CREB5: variants seen among roughly 807,000 people sequenced by gnomAD.
The protein encoded by CREB5 is cAMP responsive element binding protein 5.
CREB5 carries 19 observed loss-of-function variants against 57.1 expected under a neutral mutation model. The observed-to-expected ratio is 0.33, with a 90% CI of 0.23 to 0.49. The LOEUF is 0.49. Among genes scored for constraint, CREB5 ranks in the 20% least tolerant of loss-of-function variants. The pLI, the probability that CREB5 is intolerant of heterozygous loss-of-function variation, is 0.99. For missense variants in CREB5, 579 were observed against 671.6 expected (o/e 0.86, Z 1.52); for synonymous variants, 238 against 238.3 (o/e 1.00, Z 0.01).
intron 1 of CREB5, among the ~76,000 whole-genome samples, chr7:28,435,091 C>CTTTT (rs397702746): frequency 3.0e-5 from 4 of 132,760 alleles, no homozygotes; most frequent in Non-Finnish European, 3.2e-5. Context: ...GGCCACCTGG[C>CTTTT]TTTTTTTTTT....
At chr7:28,569,156 C>CTT (rs754353559) in intron 4 of CREB5, among the ~76,000 whole-genome samples, 2 of 146,352 alleles carry the variant, frequency 1.4e-5, no homozygotes, top group African/African-American at 5.0e-5. Flanking sequence ...CTTTTCTTTT[C>CTT]TTTTTTTTTT....
At chr7:28,517,456 C>T (rs1002165483) in intron 4 of CREB5, among the ~76,000 whole-genome samples, 5 of 152,192 alleles carry the variant, frequency 3.3e-5, no homozygotes, top group Admixed American at 6.5e-5. Flanking sequence ...ACCTGTGGTA[C>T]GATGACTGAT....
chr7:28,328,010 C>T (rs1303866559), intron 1 of CREB5, among the ~76,000 whole-genome samples: 1 of 152,214 alleles, frequency 6.6e-6, no homozygotes, highest in Non-Finnish European at 1.5e-5. Flanking sequence ...AAATAAAAAT[C>T]TTCTGGTGTA....
At chr7:28,558,918 A>T (rs188981548) in intron 4 of CREB5, among the ~76,000 whole-genome samples, 8 of 152,278 alleles carry the variant, frequency 5.3e-5, no homozygotes, top group Non-Finnish European at 8.8e-5. Flanking sequence ...ACATTTGTTT[A>T]GTAATTCTAG....
intron 1 of CREB5, among the ~76,000 whole-genome samples, chr7:28,474,403 A>T (rs1345974263): frequency 6.6e-6 from 1 of 152,136 alleles, no homozygotes; most frequent in Non-Finnish European, 1.5e-5. Flanking sequence ...TGTGTTTTGT[A>T]GGCAGTGAAG....
chr7:28,570,446 C>T lies in CREB5; in HGVS notation c.373C>T (p.His125Tyr). The T allele has an allele frequency of 6.2e-6, 10 of 1,614,196 alleles. No individual in the cohort carries two copies. The highest frequency in any genetic ancestry group is 8.5e-6 in the Non-Finnish European group (10 of 1,180,036). ...GCTTAGCAGCGCTCGGCTGCCCAACCATGACACCAACGTTGTGATTCAGCA... is the reference window on the plus strand; with the variant it reads ...GCTTAGCAGCGCTCGGCTGCCCAACTATGACACCAACGTTGTGATTCAGCA... ...HQLSSARLPN[H>Y]DTNVVIQQAM... The change falls in exon 5 of 11, where the codon CAT becomes TAT. Residue 125 changes from histidine to tyrosine, a missense_variant. His to Tyr is a moderately conservative substitution (Grantham distance 83). Transcript: ENST00000357727.
At chr7:28,409,930 G>T, upstream of CREB5, 1 of 453,920 alleles carries the variant, frequency 2.2e-6, no homozygotes, top group South Asian at 1.6e-5. This position sits in a 1 kb window ranked among gnomAD's most constrained non-coding sequence, Gnocchi z 4.4. Context: ...CCAGAAGTGC[G>T]GTCAAGCGGC....
chr7:28,499,120 G>A (rs949851592), intron 3 of CREB5, among the ~76,000 whole-genome samples: 1 of 139,810 alleles, frequency 7.2e-6, no homozygotes, highest in African/African-American at 2.7e-5. Context: ...TCCAAATCTT[G>A]TCTTGTTAAA....
intron 7 of CREB5, among the ~76,000 whole-genome samples, chr7:28,769,389 A>G (rs1477914581): frequency 6.6e-6 from 1 of 152,250 alleles, no homozygotes; most frequent in Admixed American, 6.5e-5. Context: ...GATGAGAGAT[A>G]TGCTAATTAT....
In CREB5 at chr7:28,400,383, G is replaced by T. The variant is rs116450795; in HGVS notation, c.-24-94523G>T. The stretch of plus-strand genomic sequence containing the variant: ...ATATAACAGGCTTGACCCAGAGTGG[G>T]TGCTCACAAATAATAGTGTTCTTTC... On this transcript the variant is annotated intron_variant, in intron 1 of 9. Transcript: ENST00000396299. 4.5e-3 allele frequency among the ~76,000 whole-genome samples: 686 copies of T among 152,310 alleles called. 7 individuals carry two copies. The highest frequency in any genetic ancestry group is 0.016 in the African/African-American group (667 of 41,558).
rs184317460 is a variant in CREB5 at position 28,535,103 on chromosome 7, A to G, written c.291+27366A>G. 1.6e-4 allele frequency among the ~76,000 whole-genome samples: 23 copies of G among 140,612 alleles called. 1 individual carries two copies. The highest frequency in any genetic ancestry group is 6.0e-4 in the African/African-American group (23 of 38,296). 92.2% of individuals were successfully genotyped at this position (140,612 alleles called of 152,430 possible). A position where few individuals can be genotyped will look rare whatever the true frequency, so the allele number is the denominator to read the frequency against. ...GATATTGTGGCCCCTTTGCTGTCCC[A>G]TGGTCACCCCATCTACACCGGCTCT... On this transcript the variant is annotated intron_variant, in intron 4 of 10. Coordinates refer to ENST00000357727, the MANE Select transcript of CREB5 (RefSeq NM_182898.4).
At chr7:28,516,998 C>T (rs1792989733) in intron 4 of CREB5, among the ~76,000 whole-genome samples, 1 of 152,134 alleles carries the variant, frequency 6.6e-6, no homozygotes, top group South Asian at 2.1e-4. Context: ...CTCCGCGAGG[C>T]CCTGCATTAA....
In CREB5 at chr7:28,684,574, G is replaced by A. The variant is rs527413968; in HGVS notation, c.465-34179G>A. Among the ~76,000 whole-genome samples the A allele has an allele frequency of 6.6e-4, 101 of 152,282 alleles. No homozygotes were observed. The Middle Eastern group carries it at 0.02, about 31-fold the overall frequency. ...ATATCCCTGACCTCCATCAGTGGAC[G>A]TCTTTAATAAGCTGAGAGATTTCTC... On this transcript the variant is annotated intron_variant, in intron 5 of 10. Transcript: ENST00000357727.
chr7:28,399,912 G>C (rs920491388), intron 1 of CREB5, among the ~76,000 whole-genome samples: 2 of 152,130 alleles, frequency 1.3e-5, no homozygotes, highest in African/African-American at 4.8e-5. Context: ...ACAAAAATTA[G>C]CTGGGCGTGG....
At chr7:28,592,702 C>T (rs1389025573) in intron 5 of CREB5, among the ~76,000 whole-genome samples, 1 of 152,106 alleles carries the variant, frequency 6.6e-6, no homozygotes, top group African/African-American at 2.4e-5. Flanking sequence ...GTGCCGTGGC[C>T]TGTTCTTCCC....
chr7:28,507,240 C>A (rs1181021436), intron 3 of CREB5, among the ~76,000 whole-genome samples: 1 of 151,600 alleles, frequency 6.6e-6, no homozygotes, highest in Non-Finnish European at 1.5e-5. Context: ...TTTTTTTGGC[C>A]TTATTTTAGC....
chr7:28,632,629 C>G (rs1246236159), intron 5 of CREB5, among the ~76,000 whole-genome samples: 1 of 152,066 alleles, frequency 6.6e-6, no homozygotes, highest in Non-Finnish European at 1.5e-5. Context: ...TCCTGGGATC[C>G]CGGGAGGACA....
intron 1 of CREB5, among the ~76,000 whole-genome samples, chr7:28,443,221 C>G (rs796478549): frequency 2.0e-4 from 30 of 152,322 alleles, no homozygotes; most frequent in African/African-American, 7.2e-4. Context: ...CCTCTTGTTC[C>G]TAGCTCCTAT....
At chr7:28,702,385 A>G (rs761130995) in intron 5 of CREB5, among the ~76,000 whole-genome samples, 1 of 152,244 alleles carries the variant, frequency 6.6e-6, no homozygotes, top group Non-Finnish European at 1.5e-5. Context: ...TCCATTTGGC[A>G]TTTTCACTTT....
Sources: gnomAD v4.1 joint callset for allele counts (sites outside exome capture counted in the v4.1 genomes callset) on GRCh38, gnomAD v4.1.1 for gene constraint, Gnocchi (gnomAD v3.1) non-coding constraint, MANE v1.5 for transcripts, NCBI Gene and HGNC (gene_info 2026-07-23, HGNC 2026-07-21) for gene names.